RIPK1: variants seen among roughly 807,000 people sequenced by gnomAD.
The protein encoded by RIPK1 is receptor interacting serine/threonine kinase 1.
In RIPK1, 27 loss-of-function variants were observed where a neutral mutation model predicts 62.4. The ratio of observed to expected loss-of-function variants is 0.43; its 90% CI spans 0.32 to 0.60. The LOEUF (loss-of-function observed/expected upper bound fraction) is 0.60, where lower values mean the gene tolerates loss of function less well. Among genes scored for constraint, RIPK1 ranks in the 20% least tolerant of loss-of-function variants. The pLI is 0.07. For missense variants in RIPK1, 735 were observed against 831.0 expected (o/e 0.88, Z 1.42); for synonymous variants, 287 against 303.2 (o/e 0.95, Z 0.55).
chr6:3,073,643 G>A (rs555718095), intron 1 of RIPK1, among the ~76,000 whole-genome samples: 2 of 152,218 alleles, frequency 1.3e-5, no homozygotes, highest in African/African-American at 2.4e-5. Flanking sequence ...TCCTAGGAAA[G>A]AAGGCCCATA....
At chr6:3,097,916 C>CA (rs1403141883) in intron 7 of RIPK1, among the ~76,000 whole-genome samples, 1 of 152,068 alleles carries the variant, frequency 6.6e-6, no homozygotes, top group African/African-American at 2.4e-5. Flanking sequence ...AGAATGGAGG[C>CA]AGGGCATGGT....
chr6:3,105,629 A>C lies in RIPK1; in HGVS notation c.1154A>C (p.His385Pro). The change falls in exon 9 of 11, where the codon CAT becomes CCT. Residue 385 changes from histidine to proline, a missense_variant. Coordinates refer to ENST00000259808, the MANE Select transcript of RIPK1 (RefSeq NM_001354930.2). The surrounding 1 kb of genome is among the most constrained non-coding windows in gnomAD (Gnocchi z 4.5). The stretch of plus-strand genomic sequence containing the variant: ...AAACTCCAAGACGAAGCCAACTACC[A>C]TCTTTATGGCAGCCGCATGGACAGG... ...QSKLQDEANY[H>P]LYGSRMDRQT... The C allele has an allele frequency of 6.2e-7, 1 of 1,614,082 alleles. No individual in the cohort carries two copies. The highest frequency in any genetic ancestry group is 8.5e-7 in the Non-Finnish European group (1 of 1,179,970).
upstream of RIPK1, among the ~76,000 whole-genome samples, chr6:3,065,013 C>G (rs1438398495): frequency 4.0e-5 from 6 of 151,776 alleles, no homozygotes; most frequent in South Asian, 1.2e-3. Flanking sequence ...GAGGCCGAGG[C>G]GGGCGGATCA....
intron 7 of RIPK1, among the ~76,000 whole-genome samples, chr6:3,100,282 GGT>G (rs1256386337): frequency 6.6e-6 from 1 of 152,060 alleles, no homozygotes; most frequent in East Asian, 1.9e-4. Context: ...AAACTGGCCA[GGT>G]ATGGTGGTGC....
intron 7 of RIPK1, among the ~76,000 whole-genome samples, chr6:3,098,171 C>T (rs1361616526): frequency 6.6e-6 from 1 of 151,916 alleles, no homozygotes; most frequent in East Asian, 1.9e-4. Context: ...AATGAGACCC[C>T]ATCTCCAATA....
rs568387393 is a variant in RIPK1 at position 3,083,171 on chromosome 6, C to T, written c.546C>T (p.Thr182=). 3.1e-6 allele frequency: 5 copies of T among 1,614,024 alleles called. No individual in the cohort carries two copies. Among genetic ancestry groups the T allele is most frequent in the African/African-American group, 1.3e-5 (1 of 75,012 alleles). ...EHNELREVDG[T]AKKNGGTLYY... is the part of the protein sequence containing the mutation. ...ATGAGCTGAGGGAAGTGGACGGCAC[C>T]GCTAAGAAGAATGGCGGCACCCTCT... Residue 182 remains threonine (T), a synonymous_variant, in exon 5 of 11, where the codon ACC becomes ACT. Transcript: ENST00000259808.
At chr6:3,087,559 CT>C (rs57546727) in intron 6 of RIPK1, among the ~76,000 whole-genome samples, 12,204 of 140,172 alleles carry the variant, frequency 0.087, 995 homozygotes, top group African/African-American at 0.23. Flanking sequence ...GTCTACTGAG[CT>C]TTTTTTTTTT....
At position 3,105,518 on chromosome 6, in the gene RIPK1, G is replaced by A; in HGVS notation, c.1043G>A (p.Gly348Glu). ...CCTGGTTCACTGCACAGTTCCCAGG[G>A]ACTTGGGATGGGTCCTGTGGAGGAG... is the stretch of plus-strand genomic sequence containing the variant. ...EQPGSLHSSQ[G>E]LGMGPVEESW... Residue 348 changes from glycine to glutamate, a missense_variant, in exon 9 of 11, where the codon GGA becomes GAA. Transcript: ENST00000259808. The surrounding 1 kb of genome is among the most constrained non-coding windows in gnomAD (Gnocchi z 4.5). 6.3e-7 allele frequency: 1 copy of A among 1,584,590 alleles called. No homozygotes were observed. The highest frequency in any genetic ancestry group is 8.6e-7 in the Non-Finnish European group (1 of 1,168,560).
rs762169193 is a variant in RIPK1, at chr6:3,083,311, A to C, written c.686A>C (p.Glu229Ala). The change falls in exon 5 of 11, where the codon GAA (glutamate) becomes GCA (alanine). Residue 229 changes from glutamate to alanine, a missense_variant and splice_region_variant. Around this residue, in one of 2 missense-constraint regions of RIPK1, gnomAD observed 671 missense variants for 726.2 expected, o/e 0.92. Coordinates refer to ENST00000259808, the MANE Select transcript of RIPK1 (RefSeq NM_001354930.2). ...WAIFANKEPY[E>A]NAICEQQLIM... ...ATATTTGCAAATAAGGAGCCATATGAAAGTAAGGCATTACTTACTTTCCAC... is the reference window on the plus strand; with the variant it reads ...ATATTTGCAAATAAGGAGCCATATGCAAGTAAGGCATTACTTACTTTCCAC... 3 of 1,610,898 alleles carry C rather than the reference A, an allele frequency of 1.9e-6. No homozygotes were observed. The highest frequency in any genetic ancestry group is 1.3e-5 in the African/African-American group (1 of 74,984).
In RIPK1 at chr6:3,113,048, G is replaced by T; in HGVS notation, c.1730-5G>T. The T allele has an allele frequency of 6.6e-7, 1 of 1,520,780 alleles. No individual in the cohort carries two copies. The highest frequency in any genetic ancestry group is 1.3e-5 in the South Asian group (1 of 75,162). The allele number at this position is 1,520,780 out of a possible 1,614,324, so 94.2% of individuals were successfully genotyped here. On this transcript the variant is annotated splice_polypyrimidine_tract_variant and splice_region_variant and intron_variant, in intron 10 of 10. Coordinates refer to ENST00000259808, the MANE Select transcript of RIPK1 (RefSeq NM_001354930.2). The surrounding 1 kb of genome is among the most constrained non-coding windows in gnomAD (Gnocchi z 5.0). ...TGATACCTTCTTCTTTTTCCCATTT[G>T]GCAGATAATACCACTAGTCTGACGG...
At chr6:3,078,943 C>T (rs1006339013) in intron 3 of RIPK1, among the ~76,000 whole-genome samples, 1 of 151,436 alleles carries the variant, frequency 6.6e-6, no homozygotes, top group Non-Finnish European at 1.5e-5. Flanking sequence ...AACAAGGTCT[C>T]ACTGTGTTGC....
At chr6:3,069,292 A>G (rs1023955525) in intron 1 of RIPK1, among the ~76,000 whole-genome samples, 3 of 152,206 alleles carry the variant, frequency 2.0e-5, no homozygotes, top group Admixed American at 2.0e-4. Flanking sequence ...AAACAAAAGC[A>G]TTTCTGCGTG....
chr6:3,076,687 G>C (rs1307866513), intron 1 of RIPK1, 77 bp from the exon 2 acceptor site: 2 of 152,712 alleles, frequency 1.3e-5, no homozygotes, highest in Non-Finnish European at 1.6e-5. Flanking sequence ...CTCCAAAGGA[G>C]AAAAAAAAAA....
At chr6:3,071,793 G>T (rs568482747) in intron 1 of RIPK1, among the ~76,000 whole-genome samples, 1 of 152,300 alleles carries the variant, frequency 6.6e-6, no homozygotes, top group East Asian at 1.9e-4. Flanking sequence ...CCCAACTAGA[G>T]GCCTTCCCAA....
chr6:3,107,400 C>CAA (rs1167089664), intron 9 of RIPK1, among the ~76,000 whole-genome samples: 11 of 55,302 alleles, frequency 2.0e-4, no homozygotes, highest in Middle Eastern at 0.011. Flanking sequence ...ACTAAAAATA[C>CAA]AAAAAAAAAA....
intron 1 of RIPK1, among the ~76,000 whole-genome samples, chr6:3,076,061 G>T (rs1295329269): frequency 6.6e-6 from 1 of 152,148 alleles, no homozygotes; most frequent in East Asian, 1.9e-4. Context: ...ACTCCCCTGT[G>T]TGAGCTACTG....
At chr6:3,082,286 A>G (rs755813521) in intron 4 of RIPK1, among the ~76,000 whole-genome samples, 2 of 152,206 alleles carry the variant, frequency 1.3e-5, no homozygotes, top group Non-Finnish European at 2.9e-5. Context: ...TTCATAACCT[A>G]TCTTCAAATT....
chr6:3,081,219 G>C, intron 4 of RIPK1, 103 bp downstream of exon 4: 1 of 1,335,726 alleles, frequency 7.5e-7, no homozygotes, highest in Non-Finnish European at 1.0e-6. Flanking sequence ...GGAAGACCTA[G>C]CTCAGCTTAT....
At chr6:3,075,963 AG>A (rs1425514112) in intron 1 of RIPK1, among the ~76,000 whole-genome samples, 3 of 151,856 alleles carry the variant, frequency 2.0e-5, no homozygotes, top group African/African-American at 7.3e-5. Flanking sequence ...TGCCGTGTTA[AG>A]GGGGGATTCT....
Sources: gnomAD v4.1 joint callset for allele counts (sites outside exome capture counted in the v4.1 genomes callset) on GRCh38, gnomAD v4.1.1 for gene constraint, gnomAD v4.1.1 regional missense constraint, Gnocchi (gnomAD v3.1) non-coding constraint, MANE v1.5 for transcripts, NCBI Gene and HGNC (gene_info 2026-07-23, HGNC 2026-07-21) for gene names.